CRPPA: variants seen among roughly 807,000 people sequenced by gnomAD.
CRPPA encodes the protein D-ribitol-5-phosphate cytidylyltransferase.
A neutral mutation model predicts 52.0 loss-of-function variants in CRPPA; 43 were observed. The ratio of observed to expected loss-of-function variants is 0.83; its 90% confidence interval spans 0.65 to 1.07. CRPPA has a LOEUF of 1.07. Among genes scored for constraint, CRPPA ranks in the 50% least tolerant of loss-of-function variants. The pLI is 0.00. For synonymous variants in CRPPA, 250 were observed against 203.5 expected (o/e 1.23, Z -1.94); for missense variants, 629 against 551.7 (o/e 1.14, Z -1.40).
At chr7:16,151,837 T>C (rs1160951668) in intron 9 of CRPPA, among the ~76,000 whole-genome samples, 2 of 151,972 alleles carry the variant, frequency 1.3e-5, no homozygotes, top group East Asian at 3.9e-4. Context: ...TACTAGTAAA[T>C]ATTGTAGGAA....
At chr7:16,260,997 C>A (rs1341833259) in intron 6 of CRPPA, among the ~76,000 whole-genome samples, 1 of 151,890 alleles carries the variant, frequency 6.6e-6, no homozygotes, top group Non-Finnish European at 1.5e-5. Context: ...TGGGAAAGTT[C>A]TTTAAAAATA....
chr7:16,398,260 C>G (rs536965941), intron 2 of CRPPA, among the ~76,000 whole-genome samples: 1 of 151,898 alleles, frequency 6.6e-6, no homozygotes, highest in African/African-American at 2.4e-5. Context: ...GTGACTCACA[C>G]GTGACCAGTG....
intron 2 of CRPPA, among the ~76,000 whole-genome samples, chr7:16,405,688 C>T (rs938596885): frequency 3.3e-5 from 5 of 152,036 alleles, no homozygotes; most frequent in East Asian, 1.9e-4. Context: ...CAAACCACTT[C>T]GAAACTAACA....
At chr7:16,196,840 G>T (rs1417668650) in intron 9 of CRPPA, among the ~76,000 whole-genome samples, 9 of 152,058 alleles carry the variant, frequency 5.9e-5, no homozygotes, top group Non-Finnish European at 1.3e-4. Flanking sequence ...AAGCCATCTA[G>T]ATCACTCTTA....
chr7:16,390,976 A>G (rs1787426540), intron 2 of CRPPA, among the ~76,000 whole-genome samples: 3 of 152,168 alleles, frequency 2.0e-5, no homozygotes, highest in Non-Finnish European at 4.4e-5. Context: ...AACACAATCT[A>G]CAGTCATTCT....
At chr7:16,398,862 T>A (rs1201253633) in intron 2 of CRPPA, among the ~76,000 whole-genome samples, 1 of 152,230 alleles carries the variant, frequency 6.6e-6, no homozygotes. Flanking sequence ...AACTGGCATG[T>A]GTCCAACACG....
chr7:16,278,476 A>C (rs1784256033), intron 5 of CRPPA, among the ~76,000 whole-genome samples: 1 of 152,192 alleles, frequency 6.6e-6, no homozygotes, highest in African/African-American at 2.4e-5. Flanking sequence ...TAACAGAAAT[A>C]AGATATTTTA....
rs1387320432 is a variant in CRPPA at position 16,091,632 on chromosome 7, G to A, written c.*63C>T. 12 of 832,382 alleles carry A rather than the reference G, an allele frequency of 1.4e-5. No individual in the cohort carries two copies. Among genetic ancestry groups the A allele is most frequent in the Non-Finnish European group, 2.4e-5 (12 of 508,894 alleles). 51.6% of individuals were successfully genotyped at this position (832,382 alleles called of 1,614,324 possible). On this transcript the variant is annotated 3_prime_UTR_variant, in exon 10 of 10. Coordinates refer to ENST00000407010, the MANE Select transcript of CRPPA (RefSeq NM_001101426.4). ...CATTCTACCACACACAGCAGCGGGG[G>A]CACAAAGCACAATTAAGATACGCAA...
intron 9 of CRPPA, among the ~76,000 whole-genome samples, chr7:16,207,470 C>T (rs1527221): frequency 0.35 from 52,594 of 152,058 alleles, 9,597 homozygotes; most frequent in Admixed American, 0.42. Flanking sequence ...TTAAACACTG[C>T]AATTTCACAG....
intron 3 of CRPPA, among the ~76,000 whole-genome samples, chr7:16,345,314 T>A (rs1305098208): frequency 1.3e-5 from 2 of 152,172 alleles, no homozygotes; most frequent in African/African-American, 4.8e-5. Flanking sequence ...AAGCTGAGAA[T>A]CTGTTGCTAG....
chr7:16,123,126 G>A (rs1782509785), intron 9 of CRPPA, among the ~76,000 whole-genome samples: 1 of 151,984 alleles, frequency 6.6e-6, no homozygotes. Flanking sequence ...GCTTATAATA[G>A]GCTTGTTAAT....
intron 8 of CRPPA, among the ~76,000 whole-genome samples, chr7:16,255,856 G>A (rs1393629535): frequency 6.6e-6 from 1 of 152,090 alleles, no homozygotes; most frequent in Non-Finnish European, 1.5e-5. Flanking sequence ...GAAAACCTAA[G>A]CAATACCATT....
chr7:16,376,535 A>G (rs1009731855), intron 2 of CRPPA, among the ~76,000 whole-genome samples: 3 of 152,168 alleles, frequency 2.0e-5, no homozygotes, highest in African/African-American at 4.8e-5. Flanking sequence ...CTAAGATCCA[A>G]TTGGGTGTTC....
chr7:16,089,687 G>T lies in CRPPA; in HGVS notation c.*2008C>A. On this transcript the variant is annotated 3_prime_UTR_variant, in exon 10 of 10. Transcript: ENST00000407010. ...CTTTGCCTGCTATGAAGGACCAAAT[G>T]CTATTTTTTCCAGGCACAACTTAAT... The T allele has an allele frequency of 5.1e-6, 1 of 195,118 alleles. No individual in the cohort carries two copies. The highest frequency in any genetic ancestry group is 1.1e-5 in the Non-Finnish European group (1 of 89,558). The allele number at this position is 195,118 out of a possible 1,614,324, so 12.1% of individuals were successfully genotyped here.
At chr7:16,182,314 T>C (rs1321458352) in intron 9 of CRPPA, among the ~76,000 whole-genome samples, 3 of 151,948 alleles carry the variant, frequency 2.0e-5, no homozygotes, top group Non-Finnish European at 2.9e-5. Flanking sequence ...TAAAAAGATT[T>C]ATTAGGAATT....
intron 2 of CRPPA, among the ~76,000 whole-genome samples, chr7:16,397,504 T>C (rs955378492): frequency 6.7e-6 from 1 of 149,168 alleles, no homozygotes; most frequent in Admixed American, 6.6e-5. Context: ...GACTGACACA[T>C]AACATGTGAA....
At chr7:16,246,984 A>G (rs745762961) in intron 8 of CRPPA, among the ~76,000 whole-genome samples, 1 of 152,220 alleles carries the variant, frequency 6.6e-6, no homozygotes, top group Non-Finnish European at 1.5e-5. Flanking sequence ...TCTGTCCATA[A>G]AAGCCCTACC....
rs1554317847 is a variant in CRPPA, at chr7:16,303,491, A to AAAAAAAAAC, written c.790-2026_790-2025insGTTTTTTTT. On this transcript the variant is annotated intron_variant, in intron 4 of 9. Transcript: ENST00000407010. The stretch of plus-strand genomic sequence containing the variant: ...ACATAAAATAGTAAAAAAAAAAAAA[A>AAAAAAAAAC]AAAAAAAAAAAACTTTCAGAACACA... Among the ~76,000 whole-genome samples, 608 of 125,024 alleles carry AAAAAAAAAC rather than the reference A, an allele frequency of 4.9e-3. 18 individuals carry two copies. The highest frequency in any genetic ancestry group is 5.6e-3 in the Non-Finnish European group (317 of 57,038). 82.0% of individuals were successfully genotyped at this position (125,024 alleles called of 152,430 possible). A position where few individuals can be genotyped will look rare whatever the true frequency, so the allele number is the denominator to read the frequency against.
Position 16,134,231 on chromosome 7 carries a change from C to T in CRPPA, c.1252-42432G>A, listed in dbSNP as rs563165796. Among the ~76,000 whole-genome samples, 3 of 125,244 alleles carry T rather than the reference C, an allele frequency of 2.4e-5. 1 individual carries two copies. The East Asian group carries it at 1.0e-3, about 43-fold the overall frequency. 82.2% of individuals were successfully genotyped at this position (125,244 alleles called of 152,430 possible). Reference sequence around the variant, plus strand: ...CAGGCGTGAGACGCCACACACGGACCTTATGATTTTCTTCACATCTTTTCC... The same window carrying T: ...CAGGCGTGAGACGCCACACACGGACTTTATGATTTTCTTCACATCTTTTCC... On this transcript the variant is annotated intron_variant, in intron 9 of 9. Coordinates refer to ENST00000407010, the MANE Select transcript of CRPPA (RefSeq NM_001101426.4).
Sources: allele counts gnomAD v4.1 joint callset (sites outside exome capture counted in the v4.1 genomes callset), GRCh38; gene constraint gnomAD v4.1.1; transcripts MANE v1.5; gene names NCBI Gene and HGNC (gene_info 2026-07-23, HGNC 2026-07-21).